The following AGMO variants were observed in gnomAD, a reference collection of about 807,000 sequenced individuals.
AGMO encodes the protein alkylglycerol monooxygenase, also known as glyceryl-ether monooxygenase.
Under a neutral mutation model 60.2 loss-of-function variants are expected in AGMO, and 75 were observed. The ratio of observed to expected loss-of-function variants is 1.25; its 90% CI spans 1.03 to 1.51. The LOEUF (loss-of-function observed/expected upper bound fraction) is 1.51. Among genes scored for constraint, AGMO ranks in the 40% most tolerant of loss-of-function variants. The probability of loss-of-function intolerance (pLI) is 0.00; values close to 1 mark genes in which losing one functional copy is unlikely to be tolerated. For synonymous variants in AGMO, 261 were observed against 177.1 expected (o/e 1.47, Z -3.76); for missense variants, 763 against 525.5 (o/e 1.45, Z -4.42).
chr7:15,425,503 C>A (rs955334628), intron 4 of AGMO, among the ~76,000 whole-genome samples: 2 of 151,208 alleles, frequency 1.3e-5, no homozygotes, highest in African/African-American at 4.9e-5. Flanking sequence ...GGAGCCACCA[C>A]GAATAACTGT....
chr7:15,408,761 G>A (rs1002624923), intron 5 of AGMO, among the ~76,000 whole-genome samples: 4 of 151,852 alleles, frequency 2.6e-5, no homozygotes, highest in Non-Finnish European at 5.9e-5. Flanking sequence ...CATAACCTCT[G>A]TATAGTTGTT....
At chr7:15,134,941 T>G in the AGMO span, among the ~76,000 whole-genome samples, 1 of 152,102 alleles carries the variant, frequency 6.6e-6, no homozygotes, top group South Asian at 2.1e-4. Flanking sequence ...TCACATATTT[T>G]CAGTGAATAT....
chr7:15,522,379 G>T (rs1203522993), intron 3 of AGMO, among the ~76,000 whole-genome samples: 1 of 152,060 alleles, frequency 6.6e-6, no homozygotes, highest in Non-Finnish European at 1.5e-5. Flanking sequence ...CCAAAAAAGA[G>T]CCTGTATAGC....
chr7:15,514,227 G>A (rs1051616791), intron 3 of AGMO, among the ~76,000 whole-genome samples: 2 of 151,890 alleles, frequency 1.3e-5, no homozygotes, highest in Non-Finnish European at 2.9e-5. Context: ...TGCTCTTTTC[G>A]GCTTAGCCCG....
At chr7:15,138,929 A>G in the AGMO span, among the ~76,000 whole-genome samples, 1 of 152,166 alleles carries the variant, frequency 6.6e-6, no homozygotes, top group African/African-American at 2.4e-5. Context: ...ATTTATATAC[A>G]TTACATATAT....
intron 5 of AGMO, among the ~76,000 whole-genome samples, chr7:15,417,009 C>T (rs1039246994): frequency 6.6e-6 from 1 of 152,178 alleles, no homozygotes; most frequent in African/African-American, 2.4e-5. Context: ...TGTAAACAAA[C>T]TATTCTATGT....
chr7:15,193,290 T>C, the AGMO span, among the ~76,000 whole-genome samples: 1 of 152,180 alleles, frequency 6.6e-6, no homozygotes, highest in Non-Finnish European at 1.5e-5. Flanking sequence ...CTCCAACATA[T>C]GTCATAGCTC....
chr7:15,376,581 T>C (rs1783461610), intron 10 of AGMO, among the ~76,000 whole-genome samples: 1 of 152,130 alleles, frequency 6.6e-6, no homozygotes, highest in African/African-American at 2.4e-5. Context: ...TGTTCAAATG[T>C]ATCTGCAGTA....
chr7:15,433,369 A>G (rs1296703835), intron 3 of AGMO, among the ~76,000 whole-genome samples: 2 of 152,260 alleles, frequency 1.3e-5, no homozygotes, highest in Non-Finnish European at 1.5e-5. Context: ...AATGAGGTAC[A>G]GCTGTGCAAA....
chr7:15,447,030 C>T (rs937404892), intron 3 of AGMO, among the ~76,000 whole-genome samples: 1 of 152,158 alleles, frequency 6.6e-6, no homozygotes, highest in Non-Finnish European at 1.5e-5. Context: ...GACACTGAGG[C>T]ACCAAACGAT....
intron 12 of AGMO, among the ~76,000 whole-genome samples, chr7:15,211,729 A>G: frequency 6.6e-6 from 1 of 151,906 alleles, no homozygotes; most frequent in South Asian, 2.1e-4. Flanking sequence ...TAAATTCCCC[A>G]CTCATATATA....
intron 4 of AGMO, among the ~76,000 whole-genome samples, chr7:15,429,077 T>G (rs1023778750): frequency 6.6e-6 from 1 of 152,034 alleles, no homozygotes; most frequent in East Asian, 1.9e-4. Context: ...AGTTGTAAAA[T>G]AGGCAGTGAT....
chr7:15,557,338 A>G (rs994424301), intron 2 of AGMO, among the ~76,000 whole-genome samples: 9 of 152,022 alleles, frequency 5.9e-5, no homozygotes, highest in African/African-American at 2.2e-4. Flanking sequence ...GCAATCACCT[A>G]TTTGAAGGAC....
chr7:15,139,103 T>A, the AGMO span, among the ~76,000 whole-genome samples: 1 of 152,212 alleles, frequency 6.6e-6, no homozygotes, highest in Non-Finnish European at 1.5e-5. Context: ...GGAATTTTAA[T>A]TTATCACCCA....
chr7:15,408,089 AG>A (rs1784752336), intron 5 of AGMO, among the ~76,000 whole-genome samples: 1 of 151,894 alleles, frequency 6.6e-6, no homozygotes, highest in African/African-American at 2.4e-5. Flanking sequence ...GTTTTAAAAA[AG>A]GTTATCACAG....
intron 12 of AGMO, chr7:15,306,524 C>A (rs1055079225): frequency 2.3e-5 from 11 of 468,838 alleles, no homozygotes; most frequent in African/African-American, 2.0e-4. Context: ...CTCCAAAGTT[C>A]TCCTTGGCCT....
the AGMO span, among the ~76,000 whole-genome samples, chr7:15,184,510 G>A: frequency 8.0e-6 from 1 of 124,504 alleles, no homozygotes; most frequent in Non-Finnish European, 1.7e-5. Flanking sequence ...GGAATAGAAG[G>A]AAGGAAGGGA....
chr7:15,323,875 T>A (rs1207840844), intron 12 of AGMO, among the ~76,000 whole-genome samples: 5 of 152,226 alleles, frequency 3.3e-5, no homozygotes, highest in Non-Finnish European at 7.3e-5. Flanking sequence ...TGCTTTCAGC[T>A]TGTTTTAACT....
intron 12 of AGMO, among the ~76,000 whole-genome samples, chr7:15,256,681 T>C (rs1783109708): frequency 6.6e-6 from 1 of 152,190 alleles, no homozygotes; most frequent in South Asian, 2.1e-4. Context: ...AAAATTTCTA[T>C]CATCTACTGG....
Sources: gnomAD v4.1 joint callset for allele counts (sites outside exome capture counted in the v4.1 genomes callset) on GRCh38, gnomAD v4.1.1 for gene constraint, MANE v1.5 for transcripts, NCBI Gene and HGNC (gene_info 2026-07-23, HGNC 2026-07-21) for gene names.